Variants in RASAL2 observed in about 807,000 individuals in gnomAD.
RASAL2 encodes the protein ras GTPase-activating protein nGAP.
RASAL2 carries 58 observed loss-of-function variants against 128.9 expected under a neutral mutation model. The ratio of observed to expected loss-of-function variants is 0.45; its 90% confidence interval spans 0.36 to 0.56. RASAL2 has a LOEUF of 0.56. Ranked by LOEUF, RASAL2 falls within the 20% of genes least tolerant of loss-of-function variation. The pLI is 0.00. For missense variants in RASAL2, 1,360 were observed against 1,601.6 expected (o/e 0.85, Z 2.57); for synonymous variants, 561 against 580.8 (o/e 0.97, Z 0.49).
In RASAL2 at chr1:178,126,751, G is replaced by T. The variant is rs1478981227; in HGVS notation, c.202+32057G>T. ...CATGGGAGATGATGGGGAGTGGAAA[G>T]ATAAGAAGGGAGCAGTGACATTCAT... On this transcript the variant is annotated intron_variant, in intron 1 of 17. Transcript: ENST00000367649. Among the ~76,000 whole-genome samples, 2 of 152,184 alleles carry T rather than the reference G, an allele frequency of 1.3e-5. 1 individual carries two copies. The highest frequency in any genetic ancestry group is 4.1e-4 in the South Asian group (2 of 4,828).
At chr1:178,332,095 AT>A (rs1483471643) in intron 3 of RASAL2, among the ~76,000 whole-genome samples, 2 of 152,184 alleles carry the variant, frequency 1.3e-5, no homozygotes, top group Admixed American at 6.5e-5. Context: ...TAAATTTTAA[AT>A]GTTTTTTGGA....
intron 1 of RASAL2, among the ~76,000 whole-genome samples, chr1:178,166,794 T>G (rs2101903919): frequency 6.6e-6 from 1 of 152,192 alleles, no homozygotes; most frequent in Admixed American, 6.5e-5. Context: ...TGTCAGAAAA[T>G]TGACAAATGG....
At chr1:178,424,631 T>G (rs1180615268) in intron 5 of RASAL2, among the ~76,000 whole-genome samples, 1 of 152,040 alleles carries the variant, frequency 6.6e-6, no homozygotes, top group African/African-American at 2.4e-5. Flanking sequence ...CTGGCTTATT[T>G]TTATACTTTT....
chr1:178,351,758 A>G (rs946645510), intron 3 of RASAL2, among the ~76,000 whole-genome samples: 1 of 150,718 alleles, frequency 6.6e-6, no homozygotes, highest in Admixed American at 6.6e-5. Flanking sequence ...AAGTGTAGGC[A>G]TTGGGTAAAT....
At chr1:178,265,279 GAC>G (rs1227941088) in intron 1 of RASAL2, among the ~76,000 whole-genome samples, 4 of 151,964 alleles carry the variant, frequency 2.6e-5, no homozygotes, top group African/African-American at 9.7e-5. Context: ...TTTTTGTTGA[GAC>G]AGAGTCTTCC....
chr1:178,162,554 A>T (rs1217832416), intron 1 of RASAL2, among the ~76,000 whole-genome samples: 1 of 134,798 alleles, frequency 7.4e-6, no homozygotes, highest in African/African-American at 2.8e-5. Flanking sequence ...AAATATATAT[A>T]ATATATCTTT....
At chr1:178,363,783 G>A (rs1671249022) in intron 3 of RASAL2, among the ~76,000 whole-genome samples, 1 of 152,126 alleles carries the variant, frequency 6.6e-6, no homozygotes, top group South Asian at 2.1e-4. Context: ...TTTATTGGTG[G>A]AAAAGAGTAA....
chr1:178,276,097 G>A (rs1224046061), intron 1 of RASAL2, among the ~76,000 whole-genome samples: 1 of 152,254 alleles, frequency 6.6e-6, no homozygotes. Context: ...ATCAAGGTAC[G>A]AGGGTGGCCA....
chr1:178,148,351 C>T (rs1660799083), intron 1 of RASAL2, among the ~76,000 whole-genome samples: 2 of 152,068 alleles, frequency 1.3e-5, no homozygotes, highest in Admixed American at 1.3e-4. Context: ...ATTTAGTTAG[C>T]ATCTCTTAAA....
chr1:178,431,891 G>A (rs940023619), intron 5 of RASAL2, among the ~76,000 whole-genome samples: 1 of 148,342 alleles, frequency 6.7e-6, no homozygotes, highest in African/African-American at 2.5e-5. Flanking sequence ...TTAAATACAT[G>A]CAAATATATT....
chr1:178,329,833 G>A (rs1009823671), intron 3 of RASAL2, among the ~76,000 whole-genome samples: 2 of 151,854 alleles, frequency 1.3e-5, no homozygotes, highest in African/African-American at 2.4e-5. Context: ...GTGACAGAGC[G>A]AGATCCTGTC....
chr1:178,226,555 A>G (rs1400204239), intron 1 of RASAL2, among the ~76,000 whole-genome samples: 1 of 152,206 alleles, frequency 6.6e-6, no homozygotes, highest in Non-Finnish European at 1.5e-5. Flanking sequence ...ACAGATTTGT[A>G]CTACACAATT....
intron 15 of RASAL2, among the ~76,000 whole-genome samples, chr1:178,465,483 CT>C (rs891819287): frequency 2.0e-5 from 3 of 152,142 alleles, no homozygotes; most frequent in African/African-American, 7.2e-5. Flanking sequence ...ATCTTTTTCT[CT>C]TATAGACAAC....
intron 1 of RASAL2, among the ~76,000 whole-genome samples, chr1:178,230,918 C>T (rs1010946641): frequency 6.6e-6 from 1 of 152,084 alleles, no homozygotes; most frequent in Non-Finnish European, 1.5e-5. Context: ...AGTGAGTGTG[C>T]GCAGTGTGTT....
intron 4 of RASAL2, among the ~76,000 whole-genome samples, chr1:178,416,171 T>C (rs1674739951): frequency 6.6e-6 from 1 of 152,126 alleles, no homozygotes; most frequent in South Asian, 2.1e-4. Flanking sequence ...GTGATTGTAA[T>C]TGAATGACTT....
chr1:178,311,777 T>A (rs2102304554), intron 3 of RASAL2, among the ~76,000 whole-genome samples: 1 of 151,370 alleles, frequency 6.6e-6, no homozygotes, highest in African/African-American at 2.4e-5. Context: ...CCAAGATTAG[T>A]GGACATCTGA....
At chr1:178,272,572 G>T (rs1666311182) in intron 1 of RASAL2, among the ~76,000 whole-genome samples, 1 of 151,572 alleles carries the variant, frequency 6.6e-6, no homozygotes, top group Non-Finnish European at 1.5e-5. Flanking sequence ...TATATTCCTT[G>T]GTATTTGAAC....
chr1:178,355,177 A>T (rs527258914), intron 3 of RASAL2, among the ~76,000 whole-genome samples: 2 of 152,228 alleles, frequency 1.3e-5, no homozygotes, highest in African/African-American at 2.4e-5. Context: ...ATATTAGGAT[A>T]GCCAAAAACT....
intron 5 of RASAL2, among the ~76,000 whole-genome samples, chr1:178,430,916 A>G (rs1322951759): frequency 7.2e-6 from 1 of 139,232 alleles, no homozygotes; most frequent in South Asian, 2.1e-4. Flanking sequence ...GTACACACAC[A>G]CACACACACA....
Sources: gnomAD v4.1 joint callset for allele counts (sites outside exome capture counted in the v4.1 genomes callset) on GRCh38, gnomAD v4.1.1 for gene constraint, MANE v1.5 for transcripts, NCBI Gene and HGNC (gene_info 2026-07-23, HGNC 2026-07-21) for gene names.